RYR2: variants seen among roughly 807,000 people sequenced by gnomAD.
RYR2 encodes cardiac muscle ryanodine receptor-calcium release channel.
Under a neutral mutation model 601.1 loss-of-function variants are expected in RYR2, and 227 were observed. That is an observed-to-expected ratio of 0.38 (90% CI 0.34 to 0.42). The LOEUF (loss-of-function observed/expected upper bound fraction) is 0.42. Ranked by LOEUF, RYR2 falls within the 10% of genes least tolerant of loss-of-function variation. The pLI is 1.00. For missense variants in RYR2, 4,646 were observed against 6,156.5 expected (o/e 0.75, Z 8.21); for synonymous variants, 2,223 against 2,175.1 (o/e 1.02, Z -0.61).
Position 237,509,541 on chromosome 1 carries a change from G to T in RYR2, c.2719-2147G>T, listed in dbSNP as rs143997006. Among the ~76,000 whole-genome samples, 261 of 152,282 alleles carry T rather than the reference G, an allele frequency of 1.7e-3. 1 individual carries two copies. Among genetic ancestry groups the T allele is most frequent in the African/African-American group, 5.8e-3 (241 of 41,546 alleles). On this transcript the variant is annotated intron_variant, in intron 23 of 104. Coordinates refer to ENST00000366574, the MANE Select transcript of RYR2 (RefSeq NM_001035.3). ...GAGTATGGTGCAAGGGCCCTATTTT[G>T]TGGAATAACAAGGCAGATCTGTCTA...
At chr1:237,069,251 T>C (rs565922122) in intron 1 of RYR2, among the ~76,000 whole-genome samples, 1 of 152,248 alleles carries the variant, frequency 6.6e-6, no homozygotes, top group East Asian at 1.9e-4. Flanking sequence ...GTGGGAAAGA[T>C]TAATGGGAAC....
chr1:237,125,019 G>A (rs1169632832), intron 1 of RYR2, among the ~76,000 whole-genome samples: 1 of 152,204 alleles, frequency 6.6e-6, no homozygotes, highest in Non-Finnish European at 1.5e-5. Context: ...GAGACTGAGC[G>A]AAAACTGGTA....
At chr1:237,658,058 T>C in intron 54 of RYR2, 36 bp downstream of exon 54, 1 of 1,146,892 alleles carries the variant, frequency 8.7e-7, no homozygotes, top group African/African-American at 1.6e-5. Context: ...CAGTAGTCAT[T>C]ATTAATGACT....
intron 13 of RYR2, among the ~76,000 whole-genome samples, chr1:237,442,734 T>A (rs1048705440): frequency 1.3e-5 from 2 of 152,152 alleles, no homozygotes; most frequent in Non-Finnish European, 2.9e-5. Context: ...TGCCTCATGT[T>A]CTGGATGTGT....
intron 101 of RYR2, among the ~76,000 whole-genome samples, chr1:237,820,419 G>C (rs1254107334): frequency 6.6e-6 from 1 of 152,058 alleles, no homozygotes; most frequent in East Asian, 1.9e-4. Flanking sequence ...AAGCACAAGG[G>C]GTTGGGGGAT....
At chr1:237,218,343 G>A (rs1269419059) in intron 1 of RYR2, among the ~76,000 whole-genome samples, 1 of 151,960 alleles carries the variant, frequency 6.6e-6, no homozygotes, top group African/African-American at 2.4e-5. Flanking sequence ...CTGTGAACTG[G>A]GATTATTGTG....
At chr1:237,544,633 T>G (rs993605525) in intron 25 of RYR2, among the ~76,000 whole-genome samples, 1 of 152,200 alleles carries the variant, frequency 6.6e-6, no homozygotes, top group Non-Finnish European at 1.5e-5. Flanking sequence ...AAGATAATCA[T>G]TCATATTAGC....
At chr1:237,066,933 G>A (rs12139756) in intron 1 of RYR2, among the ~76,000 whole-genome samples, 23,371 of 152,106 alleles carry the variant, frequency 0.15, 2,038 homozygotes, top group Non-Finnish European at 0.19. Flanking sequence ...CACCGCGCCC[G>A]GCATCTGTGT....
chr1:237,091,022 G>A (rs550807575), intron 1 of RYR2, among the ~76,000 whole-genome samples: 76 of 152,228 alleles, frequency 5.0e-4, no homozygotes, highest in African/African-American at 1.4e-3. Context: ...TTTTTGGAAC[G>A]ACTTTCACAT....
At chr1:237,621,312 A>G (rs184750969) in intron 38 of RYR2, among the ~76,000 whole-genome samples, 63 of 152,240 alleles carry the variant, frequency 4.1e-4, no homozygotes, top group Admixed American at 7.2e-4. Context: ...AAAAGCGGAA[A>G]CCACTCAGAT....
intron 1 of RYR2, among the ~76,000 whole-genome samples, chr1:237,195,451 C>G (rs534457470): frequency 6.6e-6 from 1 of 152,242 alleles, no homozygotes; most frequent in Admixed American, 6.5e-5. Context: ...CGGGGTTTCT[C>G]CATGTTTGTC....
chr1:237,604,541 G>A (rs1422762664), intron 35 of RYR2, among the ~76,000 whole-genome samples: 5 of 152,046 alleles, frequency 3.3e-5, no homozygotes, highest in Admixed American at 6.5e-5. Context: ...CACATTCAAA[G>A]GCTAGCGGAA....
intron 29 of RYR2, among the ~76,000 whole-genome samples, chr1:237,584,200 C>G (rs1674249114): frequency 6.6e-6 from 1 of 152,080 alleles, no homozygotes; most frequent in South Asian, 2.1e-4. Context: ...TTGTGGAAAT[C>G]TGTTTTATTG....
rs786205424 is a variant in RYR2 at position 237,707,209 on chromosome 1, T to C, written c.9841T>C (p.Leu3281=). The change falls in exon 68 of 105, where the codon TTG becomes CTG. Residue 3281 remains leucine (L), a synonymous_variant. Transcript: ENST00000366574. ...EHMNTLLGNI[L]KIIYNNLGID... ...CATGAACACACTTCTAGGGAACATATTGAAAATCATATATAATAACTTGGG... is the reference window on the plus strand; with the variant it reads ...CATGAACACACTTCTAGGGAACATACTGAAAATCATATATAATAACTTGGG... The C allele has an allele frequency of 1.3e-6, 2 of 1,599,192 alleles. No homozygotes were observed. The highest frequency in any genetic ancestry group is 4.5e-5 in the East Asian group (2 of 44,528).
rs1663996278 is a variant in RYR2 at position 237,069,083 on chromosome 1, A to G, written c.48+26514A>G. Among the ~76,000 whole-genome samples, 5 of 152,174 alleles carry G rather than the reference A, an allele frequency of 3.3e-5. No individual in the cohort carries two copies. The South Asian group carries it at 1.0e-3, about 32-fold the overall frequency. On this transcript the variant is annotated intron_variant, in intron 1 of 104. Coordinates refer to ENST00000366574, the MANE Select transcript of RYR2 (RefSeq NM_001035.3). The stretch of plus-strand genomic sequence containing the variant: ...GACATTATGATCTCTTGAACTGTGA[A>G]TTGTTTAAAAATGATATTAAATTCT...
chr1:237,101,213 C>T (rs1324989508), intron 1 of RYR2, among the ~76,000 whole-genome samples: 1 of 147,674 alleles, frequency 6.8e-6, no homozygotes, highest in East Asian at 2.0e-4. Flanking sequence ...AGAGACTTGG[C>T]TTTGGCCATT....
intron 1 of RYR2, among the ~76,000 whole-genome samples, chr1:237,170,518 A>G (rs150942338): frequency 6.6e-6 from 1 of 152,366 alleles, no homozygotes; most frequent in East Asian, 1.9e-4. Context: ...TAATTATAAA[A>G]TACGACTAAG....
chr1:237,756,551 G>A (rs1185262076), intron 81 of RYR2, among the ~76,000 whole-genome samples, 164 bp downstream of exon 81: 5 of 151,970 alleles, frequency 3.3e-5, no homozygotes, highest in Admixed American at 3.3e-4. Flanking sequence ...CATTGTTTAC[G>A]GAGACCAATG....
intron 12 of RYR2, among the ~76,000 whole-genome samples, chr1:237,429,536 C>T (rs982443400): frequency 1.3e-5 from 2 of 152,124 alleles, no homozygotes; most frequent in Non-Finnish European, 2.9e-5. Context: ...CAGACTGCTG[C>T]CTGACCCTGT....
Sources: gnomAD v4.1 joint callset for allele counts (sites outside exome capture counted in the v4.1 genomes callset) on GRCh38, gnomAD v4.1.1 for gene constraint, MANE v1.5 for transcripts, NCBI Gene and HGNC (gene_info 2026-07-23, HGNC 2026-07-21) for gene names.